The following AP1M1 variants were observed in gnomAD, a reference collection of about 807,000 sequenced individuals.
The protein encoded by AP1M1 is AP-1 complex subunit mu-1.
Under a neutral mutation model 57.1 loss-of-function variants are expected in AP1M1, and 18 were observed. That is an observed-to-expected ratio of 0.32 (90% CI 0.22 to 0.47). The LOEUF (loss-of-function observed/expected upper bound fraction) is 0.47. Among genes scored for constraint, AP1M1 ranks in the 20% least tolerant of loss-of-function variants. The probability of loss-of-function intolerance (pLI) is 1.00; values close to 1 mark genes in which losing one functional copy is unlikely to be tolerated. For synonymous variants in AP1M1, 241 were observed against 237.9 expected (o/e 1.01, Z -0.12); for missense variants, 362 against 593.5 (o/e 0.61, Z 4.05).
At chr19:16,226,123 T>C (rs932418313) in intron 5 of AP1M1, among the ~76,000 whole-genome samples, 2 of 81,028 alleles carry the variant, frequency 2.5e-5, no homozygotes, top group Non-Finnish European at 8.1e-5. Context: ...CAGGTCCCAG[T>C]GTGGCCTGAG....
At chr19:16,233,682 A>G in intron 10 of AP1M1, 64 bp downstream of exon 10, 2 of 1,537,192 alleles carry the variant, frequency 1.3e-6, no homozygotes, top group South Asian at 1.2e-5. Flanking sequence ...ACAGATATCA[A>G]TGCAGCCAGC....
At chr19:16,233,958 G>A (rs2091611007) in intron 10 of AP1M1, 1 of 557,386 alleles carries the variant, frequency 1.8e-6, no homozygotes, top group Non-Finnish European at 3.1e-6. Context: ...GGCCCCCCAA[G>A]CAGGCTGCTG....
intron 2 of AP1M1, among the ~76,000 whole-genome samples, chr19:16,205,865 G>A (rs1174797239): frequency 3.3e-5 from 5 of 152,262 alleles, no homozygotes; most frequent in African/African-American, 1.2e-4. Context: ...ATGGGCCAAG[G>A]CTTGTGTTTC....
chr19:16,210,374 A>G (rs2091488591), intron 5 of AP1M1: 1 of 718,438 alleles, frequency 1.4e-6, no homozygotes, highest in Non-Finnish European at 2.6e-6. Context: ...AATACCCAGG[A>G]GTGGGATGGC....
chr19:16,239,201 G>A lies in AP1M1; in HGVS notation c.*4766G>A, dbSNP rs1032162795. On this transcript the variant is annotated 3_prime_UTR_variant, in exon 12 of 12. Transcript: ENST00000291439. ...GCCCCCCTCACCTTCCCAAAGTGCT[G>A]GGATTACAGGCATGAGCCACCGCGC... is the stretch of plus-strand genomic sequence containing the variant. 1.4e-5 allele frequency: 2 copies of A among 139,440 alleles called. No homozygotes were observed. The highest frequency in any genetic ancestry group is 5.4e-5 in the African/African-American group (2 of 37,346). The allele number at this position is 139,440 out of a possible 1,614,324, so 8.6% of individuals were successfully genotyped here.
intron 5 of AP1M1, among the ~76,000 whole-genome samples, chr19:16,215,654 G>A (rs1294108642): frequency 6.6e-6 from 1 of 151,886 alleles, no homozygotes; most frequent in Non-Finnish European, 1.5e-5. Context: ...TTTTGGGGAT[G>A]ATCTTGTGAA....
intron 5 of AP1M1, among the ~76,000 whole-genome samples, chr19:16,221,674 C>T (rs1356290539): frequency 1.3e-5 from 2 of 152,184 alleles, no homozygotes; most frequent in East Asian, 3.8e-4. Flanking sequence ...ATGTCTAAAA[C>T]AAATATTTCG....
At chr19:16,202,703 C>T (rs1408075452) in intron 1 of AP1M1, among the ~76,000 whole-genome samples, 3 of 152,210 alleles carry the variant, frequency 2.0e-5, no homozygotes, top group Non-Finnish European at 2.9e-5. Flanking sequence ...ATGGTGTGCA[C>T]GGATACAGTT....
At position 16,244,324 on chromosome 19, in the gene AP1M1, A is replaced by G. The variant is rs12982021; in HGVS notation, c.*9889A>G. The G allele has an allele frequency of 0.55, 84,094 of 152,176 alleles. 26,093 individuals carry two copies. Among genetic ancestry groups the G allele is most frequent in the Non-Finnish European group, 0.71 (48,333 of 68,008 alleles). The allele number at this position is 152,176 out of a possible 1,614,324, so 9.4% of individuals were successfully genotyped here. A position where few individuals can be genotyped will look rare whatever the true frequency, so the allele number is the denominator to read the frequency against. ...AAGAGTTTGCCAGCAGCAGGCTAAC[A>G]CTAAAGAAAATTGTAAACAGTGTAC... On this transcript the variant is annotated 3_prime_UTR_variant, in exon 12 of 12. Transcript: ENST00000291439.
chr19:16,222,595 T>TTTTG (rs35495772), intron 5 of AP1M1, among the ~76,000 whole-genome samples: 101,833 of 151,120 alleles, frequency 0.67, 35,977 homozygotes, highest in Non-Finnish European at 0.8. Flanking sequence ...ATTCTTCTCT[T>TTTTG]TTTGTTTGTT....
In AP1M1 at chr19:16,228,540, T is replaced by C. The variant is rs1014375724; in HGVS notation, c.889-230T>C. On this transcript the variant is annotated intron_variant, in intron 8 of 11. Coordinates refer to ENST00000291439, the MANE Select transcript of AP1M1 (RefSeq NM_032493.4). This position sits in a 1 kb window ranked among gnomAD's most constrained non-coding sequence, Gnocchi z 5.0. The stretch of plus-strand genomic sequence containing the variant: ...TAGGAGGGCAGGGCAGAGGGAGGGA[T>C]GAGGAGCCTTGGAAGCTGAGCAGAC... Among the ~76,000 whole-genome samples the C allele has an allele frequency of 1.3e-5, 2 of 151,840 alleles. No homozygotes were observed. Among genetic ancestry groups the C allele is most frequent in the Non-Finnish European group, 2.9e-5 (2 of 67,952 alleles).
Position 16,228,342 on chromosome 19 carries a change from C to G in AP1M1, c.888+134C>G. The G allele has an allele frequency of 2.1e-6, 2 of 933,256 alleles. No homozygotes were observed. Among genetic ancestry groups the G allele is most frequent in the South Asian group, 1.4e-5 (1 of 69,312 alleles). 57.8% of individuals were successfully genotyped at this position (933,256 alleles called of 1,614,324 possible). Reference sequence around the variant, plus strand: ...CTGTGGCCTCAGATGCAGGAGTGACCTGACACTGAGGGGACACCGCCTGGG... The same window carrying G: ...CTGTGGCCTCAGATGCAGGAGTGACGTGACACTGAGGGGACACCGCCTGGG... On this transcript the variant is annotated intron_variant, in intron 8 of 11. Coordinates refer to ENST00000291439, the MANE Select transcript of AP1M1 (RefSeq NM_032493.4). The surrounding 1 kb of genome is among the most constrained non-coding windows in gnomAD (Gnocchi z 5.0).
At chr19:16,231,626 C>T (rs1003722596) in intron 9 of AP1M1, among the ~76,000 whole-genome samples, 32 of 80,210 alleles carry the variant, frequency 4.0e-4, no homozygotes, top group African/African-American at 7.3e-4. Context: ...AACAGGGTTT[C>T]GCTATTGTTG....
At position 16,236,586 on chromosome 19, in the gene AP1M1, C is replaced by T. The variant is rs1206837526; in HGVS notation, c.*2151C>T. 1 of 152,136 alleles carries T rather than the reference C, an allele frequency of 6.6e-6. No homozygotes were observed. The highest frequency in any genetic ancestry group is 2.4e-5 in the African/African-American group (1 of 41,414). The allele number at this position is 152,136 out of a possible 1,614,324, so 9.4% of individuals were successfully genotyped here. On this transcript the variant is annotated 3_prime_UTR_variant, in exon 12 of 12. Transcript: ENST00000291439. ...GCTGGGATCCTCGAGGGTCATGATA[C>T]TTAACAGTAAAAAGATGGACTAGAA...
chr19:16,208,338 C>T (rs56328550), intron 4 of AP1M1, 189 bp downstream of exon 4: 1 of 537,436 alleles, frequency 1.9e-6, no homozygotes, highest in Non-Finnish European at 3.2e-6. Flanking sequence ...CTCTACGCCC[C>T]CACATAACCG....
chr19:16,210,586 T>C (rs1306578393), intron 5 of AP1M1, among the ~76,000 whole-genome samples: 1 of 152,240 alleles, frequency 6.6e-6, no homozygotes, highest in East Asian at 1.9e-4. Flanking sequence ...TGAGACACAG[T>C]CTCGCTCTTG....
chr19:16,225,609 A>G (rs139392101), intron 5 of AP1M1, among the ~76,000 whole-genome samples: 23 of 152,192 alleles, frequency 1.5e-4, no homozygotes, highest in African/African-American at 5.5e-4. Context: ...CGGCATGCGC[A>G]GTGGGTTACA....
At chr19:16,224,833 C>T (rs1192334381) in intron 5 of AP1M1, among the ~76,000 whole-genome samples, 1 of 152,090 alleles carries the variant, frequency 6.6e-6, no homozygotes, top group African/African-American at 2.4e-5. Flanking sequence ...AATGCTCGGG[C>T]TCCTGGAGCC....
At chr19:16,215,430 C>T (rs1157055970) in intron 5 of AP1M1, among the ~76,000 whole-genome samples, 7 of 129,708 alleles carry the variant, frequency 5.4e-5, no homozygotes, top group Non-Finnish European at 9.5e-5. Flanking sequence ...CACCACTGCA[C>T]TCCAGCCTGG....
Sources: allele counts gnomAD v4.1 joint callset (sites outside exome capture counted in the v4.1 genomes callset), GRCh38; gene constraint gnomAD v4.1.1; non-coding constraint Gnocchi (gnomAD v3.1); transcripts MANE v1.5; gene names NCBI Gene and HGNC (gene_info 2026-07-23, HGNC 2026-07-21).